The following LRFN5 variants were observed in gnomAD, a reference collection of about 807,000 sequenced individuals.
LRFN5 encodes the protein leucine-rich repeat and fibronectin type-III domain-containing protein 5.
LRFN5 carries 24 observed loss-of-function variants against 45.6 expected under a neutral mutation model. The ratio of observed to expected loss-of-function variants is 0.53; its 90% CI spans 0.38 to 0.74. The LOEUF (loss-of-function observed/expected upper bound fraction) is 0.74, where lower values mean the gene tolerates loss of function less well. Ranked by LOEUF, LRFN5 falls within the 30% of genes least tolerant of loss-of-function variation. The pLI is 0.00. For missense variants in LRFN5, 776 were observed against 861.5 expected (o/e 0.90, Z 1.24); for synonymous variants, 340 against 313.8 (o/e 1.08, Z -0.88).
chr14:41,642,551 T>C (rs890470767), intron 1 of LRFN5, among the ~76,000 whole-genome samples: 2 of 152,148 alleles, frequency 1.3e-5, no homozygotes, highest in Non-Finnish European at 2.9e-5. Context: ...CATTGTTATT[T>C]AGTTTCTCCC....
chr14:41,811,569 G>C (rs1265945997), intron 2 of LRFN5, among the ~76,000 whole-genome samples: 1 of 152,046 alleles, frequency 6.6e-6, no homozygotes, highest in Non-Finnish European at 1.5e-5. Context: ...TATATACACA[G>C]TGAACTATTG....
chr14:41,612,267 A>G, intron 1 of LRFN5, among the ~76,000 whole-genome samples: 1 of 152,162 alleles, frequency 6.6e-6, no homozygotes. Flanking sequence ...TTATATATTT[A>G]AAAATAAATG....
chr14:41,649,861 C>G lies in LRFN5; in HGVS notation c.-197+41299C>G, dbSNP rs549656171. On this transcript the variant is annotated intron_variant, in intron 1 of 5. Coordinates refer to ENST00000298119, the MANE Select transcript of LRFN5 (RefSeq NM_152447.5). ...GGAGTAGAGCCCAACCACTCTCCCC[C>G]ATTGCAATACTCTGTTTCAGTAGTT... 2.6e-5 allele frequency among the ~76,000 whole-genome samples: 4 copies of G among 152,270 alleles called. No individual in the cohort carries two copies. The East Asian group carries it at 7.7e-4, about 29-fold the overall frequency.
chr14:41,721,548 C>G (rs1883713910), intron 1 of LRFN5, among the ~76,000 whole-genome samples: 1 of 152,038 alleles, frequency 6.6e-6, no homozygotes, highest in African/African-American at 2.4e-5. Context: ...TAAGAATCTT[C>G]TTTAAGGCTG....
At chr14:41,727,786 G>A (rs967497233) in intron 1 of LRFN5, among the ~76,000 whole-genome samples, 1 of 152,072 alleles carries the variant, frequency 6.6e-6, no homozygotes, top group Non-Finnish European at 1.5e-5. Context: ...TCTTAGTTCT[G>A]GCAGTACCTT....
Position 41,628,158 on chromosome 14 carries a change from T to A in LRFN5, c.-197+19596T>A, listed in dbSNP as rs539370424. Among the ~76,000 whole-genome samples the A allele has an allele frequency of 2.6e-5, 4 of 152,244 alleles. No homozygotes were observed. The South Asian group carries it at 8.3e-4, about 32-fold the overall frequency. The stretch of plus-strand genomic sequence containing the variant: ...GCTAATCTGATCATTCAGCAGTGAG[T>A]TCTTGAATCCTCTCTATAATTTTAA... On this transcript the variant is annotated intron_variant, in intron 1 of 5. Coordinates refer to ENST00000298119, the MANE Select transcript of LRFN5 (RefSeq NM_152447.5).
At chr14:41,615,732 CT>C (rs1887907248) in intron 1 of LRFN5, among the ~76,000 whole-genome samples, 1 of 152,100 alleles carries the variant, frequency 6.6e-6, no homozygotes, top group African/African-American at 2.4e-5. Context: ...TTTCTTCTTG[CT>C]GATCCTGGAC....
intron 2 of LRFN5, among the ~76,000 whole-genome samples, chr14:41,843,611 C>T (rs528691926): frequency 3.3e-5 from 5 of 152,134 alleles, no homozygotes; most frequent in Admixed American, 6.5e-5. Flanking sequence ...GAGTAGCATT[C>T]GAGATTCCTT....
chr14:41,816,773 G>GT (rs570329082), intron 2 of LRFN5, among the ~76,000 whole-genome samples: 88 of 151,918 alleles, frequency 5.8e-4, no homozygotes, highest in Middle Eastern at 3.4e-3. Context: ...GTACTGCTTG[G>GT]TTTTTTCTGA....
chr14:41,841,522 T>C (rs1419239137), intron 2 of LRFN5, among the ~76,000 whole-genome samples: 1 of 152,012 alleles, frequency 6.6e-6, no homozygotes, highest in Non-Finnish European at 1.5e-5. Context: ...AATATTTTAG[T>C]TCATGATTTG....
At chr14:41,898,839 G>A in intron 4 of LRFN5, 78 bp from the exon 5 acceptor site, 1 of 1,345,424 alleles carries the variant, frequency 7.4e-7, no homozygotes, top group Non-Finnish European at 1.0e-6. Flanking sequence ...GTATTACCAA[G>A]ATTTCAGTAA....
At chr14:41,631,108 A>G (rs1459417295) in intron 1 of LRFN5, among the ~76,000 whole-genome samples, 1 of 152,168 alleles carries the variant, frequency 6.6e-6, no homozygotes, top group African/African-American at 2.4e-5. Flanking sequence ...ATTGCTTACT[A>G]AATTAAACTC....
chr14:41,722,440 C>T (rs1158455600), intron 1 of LRFN5, among the ~76,000 whole-genome samples: 1 of 152,072 alleles, frequency 6.6e-6, no homozygotes, highest in Non-Finnish European at 1.5e-5. Context: ...TCAGATTTTT[C>T]ATGGTTCCAG....
At chr14:41,830,783 G>A (rs8009860) in intron 2 of LRFN5, among the ~76,000 whole-genome samples, 12,737 of 152,108 alleles carry the variant, frequency 0.084, 1,132 homozygotes, top group East Asian at 0.48. Context: ...CTGTCTCCTG[G>A]TGGGCCTGTT....
At chr14:41,674,224 G>C (rs1206288107) in intron 1 of LRFN5, among the ~76,000 whole-genome samples, 1 of 130,406 alleles carries the variant, frequency 7.7e-6, no homozygotes, top group Non-Finnish European at 1.7e-5. Flanking sequence ...CCTCCCTCCC[G>C]GACGGGGCGG....
At chr14:41,874,670 CACAA>C (rs1010872797) in intron 2 of LRFN5, among the ~76,000 whole-genome samples, 5 of 152,238 alleles carry the variant, frequency 3.3e-5, no homozygotes, top group South Asian at 2.1e-4. Context: ...ATGTACCTTT[CACAA>C]ACAAAGTGGA....
chr14:41,781,578 AAGAAAGAAAGAAAGAAAG>A (rs1886496934), intron 2 of LRFN5, among the ~76,000 whole-genome samples: 1 of 114,442 alleles, frequency 8.7e-6, no homozygotes, highest in African/African-American at 4.3e-5. Context: ...GAAAGAAAGA[AAGAAAGAAAGAAAGAAAG>A]AAAGAAAGAA....
At chr14:41,624,608 C>T (rs534223151) in intron 1 of LRFN5, among the ~76,000 whole-genome samples, 1 of 152,130 alleles carries the variant, frequency 6.6e-6, no homozygotes, top group South Asian at 2.1e-4. Flanking sequence ...TGAAGTGTAA[C>T]CAGTGACAGA....
At chr14:41,750,961 A>C (rs544329378) in intron 1 of LRFN5, among the ~76,000 whole-genome samples, 2 of 152,180 alleles carry the variant, frequency 1.3e-5, no homozygotes, top group Non-Finnish European at 2.9e-5. Flanking sequence ...TCCTAATGCT[A>C]TCCCTCCCTC....
Sources: gnomAD v4.1 joint callset for allele counts (sites outside exome capture counted in the v4.1 genomes callset) on GRCh38, gnomAD v4.1.1 for gene constraint, MANE v1.5 for transcripts, NCBI Gene and HGNC (gene_info 2026-07-23, HGNC 2026-07-21) for gene names.